Variants in GALNT13 observed in about 807,000 individuals in gnomAD.
GALNT13 encodes the protein UDP-GalNAc:polypeptide N-acetylgalactosaminyltransferase 13.
A neutral mutation model predicts 64.2 loss-of-function variants in GALNT13; 28 were observed. The ratio of observed to expected loss-of-function variants is 0.44; its 90% CI spans 0.32 to 0.60. The LOEUF (loss-of-function observed/expected upper bound fraction) is 0.60. Ranked by LOEUF, GALNT13 falls within the 20% of genes least tolerant of loss-of-function variation. The probability of loss-of-function intolerance (pLI) is 0.05; values close to 1 mark genes in which losing one functional copy is unlikely to be tolerated. For missense variants in GALNT13, 577 were observed against 669.8 expected, an observed-to-expected ratio of 0.86 and a Z score of 1.53; for synonymous variants, 214 against 224.6, an observed-to-expected ratio of 0.95 and a Z score of 0.42.
the GALNT13 span, among the ~76,000 whole-genome samples, chr2:153,133,460 G>T: frequency 1.3e-5 from 2 of 152,056 alleles, no homozygotes; most frequent in East Asian, 1.9e-4. Context: ...CTGTTAACAG[G>T]AATCCTTCTT....
the GALNT13 span, among the ~76,000 whole-genome samples, chr2:153,669,488 A>G: frequency 6.6e-6 from 1 of 152,232 alleles, no homozygotes; most frequent in African/African-American, 2.4e-5. Flanking sequence ...CTGCACATGT[A>G]TCCTTAAGAC....
intron 9 of GALNT13, among the ~76,000 whole-genome samples, chr2:154,324,764 A>T (rs1162134910): frequency 6.6e-6 from 1 of 152,102 alleles, no homozygotes. Flanking sequence ...GTCACTGATT[A>T]TAACTGAGAG....
the GALNT13 span, among the ~76,000 whole-genome samples, chr2:153,477,041 G>A: frequency 6.6e-6 from 1 of 152,146 alleles, no homozygotes; most frequent in South Asian, 2.1e-4. Flanking sequence ...TCTTCCCGCG[G>A]GGGCCCTTCT....
At chr2:153,896,097 C>A in intron 1 of GALNT13, among the ~76,000 whole-genome samples, 2 of 34,644 alleles carry the variant, frequency 5.8e-5, no homozygotes, top group African/African-American at 1.0e-4. Flanking sequence ...ATGTTTTTTC[C>A]TAAATTAAAA....
At chr2:153,256,332 A>G in the GALNT13 span, among the ~76,000 whole-genome samples, 5 of 152,200 alleles carry the variant, frequency 3.3e-5, no homozygotes, top group Non-Finnish European at 5.9e-5. Context: ...TCCTTTAAGC[A>G]CTTCTCTGTA....
At chr2:153,283,196 T>C in the GALNT13 span, among the ~76,000 whole-genome samples, 550 of 152,298 alleles carry the variant, frequency 3.6e-3, 4 homozygotes, top group African/African-American at 0.012. Flanking sequence ...GTTTCCCTGA[T>C]GGCGGGCACT....
chr2:154,254,972 C>A (rs559196564), intron 7 of GALNT13, among the ~76,000 whole-genome samples: 1 of 152,084 alleles, frequency 6.6e-6, no homozygotes, highest in African/African-American at 2.4e-5. Context: ...ATGCATATAT[C>A]CACAAAATAA....
the GALNT13 span, among the ~76,000 whole-genome samples, chr2:153,635,398 G>GTATA: frequency 8.3e-6 from 1 of 120,780 alleles, no homozygotes. Context: ...CAGTAAATAT[G>GTATA]TATATATATA....
chr2:153,128,627 C>G, the GALNT13 span, among the ~76,000 whole-genome samples: 2 of 152,112 alleles, frequency 1.3e-5, no homozygotes, highest in African/African-American at 4.8e-5. Context: ...ATGTAAAAGA[C>G]AGTAATTTCA....
chr2:153,965,406 C>T (rs1006602135), intron 3 of GALNT13, among the ~76,000 whole-genome samples: 2 of 152,064 alleles, frequency 1.3e-5, no homozygotes, highest in African/African-American at 4.8e-5. Flanking sequence ...TTCATGGGAT[C>T]AATTTTTTTT....
At chr2:153,499,787 G>A in the GALNT13 span, among the ~76,000 whole-genome samples, 4 of 152,216 alleles carry the variant, frequency 2.6e-5, no homozygotes, top group Non-Finnish European at 4.4e-5. Flanking sequence ...GCATCCACCT[G>A]GAGCTGGGAG....
At chr2:154,083,835 A>G (rs1173915845) in intron 3 of GALNT13, among the ~76,000 whole-genome samples, 1 of 151,862 alleles carries the variant, frequency 6.6e-6, no homozygotes, top group Non-Finnish European at 1.5e-5. Flanking sequence ...TAAAGAAAGT[A>G]ATGGTTTGTG....
rs148879146 is a variant in GALNT13, at chr2:154,453,023, C to A, written c.*2472C>A. The A allele has an allele frequency of 2.6e-5, 4 of 152,304 alleles. No individual in the cohort carries two copies. Among genetic ancestry groups the A allele is most frequent in the Admixed American group, 1.3e-4 (2 of 15,266 alleles). The allele number at this position is 152,304 out of a possible 1,614,324, so 9.4% of individuals were successfully genotyped here. ...TTTGACTCCTCTATTTCTGTTTCAACTCTCGTCTAATCCAACAGCAAATCC... is the reference window on the plus strand; with the variant it reads ...TTTGACTCCTCTATTTCTGTTTCAAATCTCGTCTAATCCAACAGCAAATCC... On this transcript the variant is annotated 3_prime_UTR_variant, in exon 13 of 13. Coordinates refer to ENST00000392825, the MANE Select transcript of GALNT13 (RefSeq NM_052917.4).
At chr2:154,263,205 A>G (rs939023741) in intron 8 of GALNT13, among the ~76,000 whole-genome samples, 1 of 152,172 alleles carries the variant, frequency 6.6e-6, no homozygotes, top group Non-Finnish European at 1.5e-5. Flanking sequence ...TGCATTCAAC[A>G]CCCAGCTCTG....
At chr2:153,439,255 C>T in the GALNT13 span, among the ~76,000 whole-genome samples, 1 of 152,098 alleles carries the variant, frequency 6.6e-6, no homozygotes, top group African/African-American at 2.4e-5. Flanking sequence ...CAGTTAGGCT[C>T]CTCAGGTGTC....
At chr2:154,053,590 C>T (rs1699756128) in intron 3 of GALNT13, among the ~76,000 whole-genome samples, 1 of 151,980 alleles carries the variant, frequency 6.6e-6, no homozygotes, top group African/African-American at 2.4e-5. Flanking sequence ...AAACAAAAGA[C>T]TAACTAAACA....
At chr2:153,595,838 C>T in the GALNT13 span, among the ~76,000 whole-genome samples, 1 of 152,100 alleles carries the variant, frequency 6.6e-6, no homozygotes, top group Non-Finnish European at 1.5e-5. Flanking sequence ...CCAATATTGC[C>T]TCTGTAGTTT....
the GALNT13 span, among the ~76,000 whole-genome samples, chr2:153,531,697 A>AAAT: frequency 7.9e-5 from 12 of 152,162 alleles, no homozygotes; most frequent in African/African-American, 1.4e-4. Context: ...TGAGCCTGTA[A>AAAT]AATAATAATA....
chr2:154,026,679 A>G (rs1395614406), intron 3 of GALNT13, among the ~76,000 whole-genome samples: 1 of 152,122 alleles, frequency 6.6e-6, no homozygotes, highest in African/African-American at 2.4e-5. Flanking sequence ...GTCCTGTTGG[A>G]TTAGGGCCCC....
Sources: allele counts gnomAD v4.1 joint callset (sites outside exome capture counted in the v4.1 genomes callset), GRCh38; gene constraint gnomAD v4.1.1; transcripts MANE v1.5; gene names NCBI Gene and HGNC (gene_info 2026-07-23, HGNC 2026-07-21).